Variants in DPYS observed in about 807,000 individuals in gnomAD.
DPYS encodes dihydropyrimidine amidohydrolase.
A neutral mutation model predicts 50.3 loss-of-function variants in DPYS; 39 were observed. The ratio of observed to expected loss-of-function variants is 0.78; its 90% confidence interval spans 0.60 to 1.01. The LOEUF is 1.01. Ranked by LOEUF, DPYS falls within the 50% of genes least tolerant of loss-of-function variation. The pLI is 0.00. For synonymous variants in DPYS, 245 were observed against 250.7 expected, an observed-to-expected ratio of 0.98 and a Z score of 0.22; for missense variants, 659 against 680.9, an observed-to-expected ratio of 0.97 and a Z score of 0.36.
intron 7 of DPYS, among the ~76,000 whole-genome samples, chr8:104,400,403 T>C (rs77051793): frequency 3.9e-5 from 6 of 152,366 alleles, no homozygotes; most frequent in African/African-American, 1.4e-4. Context: ...ACTACATTTG[T>C]AGGCAAAAGC....
At chr8:104,465,407 C>T (rs1226934836) in intron 1 of DPYS, among the ~76,000 whole-genome samples, 1 of 152,160 alleles carries the variant, frequency 6.6e-6, no homozygotes, top group Non-Finnish European at 1.5e-5. Context: ...AAGTGAAAAG[C>T]CAAGGCCTTT....
At chr8:104,411,305 T>C (rs977198181) in intron 7 of DPYS, among the ~76,000 whole-genome samples, 1 of 152,234 alleles carries the variant, frequency 6.6e-6, no homozygotes, top group Non-Finnish European at 1.5e-5. Flanking sequence ...GCCTCCACCA[T>C]GTGAGGAATT....
chr8:104,417,099 C>A (rs866774399), intron 7 of DPYS, among the ~76,000 whole-genome samples: 2 of 152,154 alleles, frequency 1.3e-5, no homozygotes, highest in Non-Finnish European at 2.9e-5. Context: ...AAGGTCAAAG[C>A]CTGCCATAAT....
At chr8:104,390,207 C>A (rs1360508491) in intron 8 of DPYS, among the ~76,000 whole-genome samples, 4 of 152,182 alleles carry the variant, frequency 2.6e-5, no homozygotes, top group African/African-American at 9.7e-5. Context: ...TATCCTAAAT[C>A]CACCCTCTAT....
At chr8:104,410,644 C>A (rs1812143116) in intron 7 of DPYS, among the ~76,000 whole-genome samples, 1 of 152,084 alleles carries the variant, frequency 6.6e-6, no homozygotes, top group Non-Finnish European at 1.5e-5. Context: ...TGGTGCCAGG[C>A]AAATTGGGAA....
chr8:104,395,897 A>G (rs1486894165), intron 7 of DPYS, among the ~76,000 whole-genome samples: 2 of 152,204 alleles, frequency 1.3e-5, no homozygotes, highest in African/African-American at 2.4e-5. Context: ...ACTTATTGAT[A>G]TAAAGAAATG....
At chr8:104,390,385 A>G (rs993083633) in intron 8 of DPYS, among the ~76,000 whole-genome samples, 32 of 152,164 alleles carry the variant, frequency 2.1e-4, no homozygotes, top group African/African-American at 7.5e-4. Flanking sequence ...ATTATTACTT[A>G]AGGATAAAGT....
At chr8:104,423,361 T>C (rs1316236581) in intron 7 of DPYS, among the ~76,000 whole-genome samples, 1 of 152,154 alleles carries the variant, frequency 6.6e-6, no homozygotes, top group East Asian at 1.9e-4. Context: ...TTTAGGCTTA[T>C]AGTGATGGTA....
chr8:104,459,170 G>A (rs1310170767), intron 1 of DPYS, among the ~76,000 whole-genome samples: 1 of 151,036 alleles, frequency 6.6e-6, no homozygotes, highest in Non-Finnish European at 1.5e-5. Context: ...ATGGTGGCCA[G>A]TTGCCCAGGC....
intron 6 of DPYS, among the ~76,000 whole-genome samples, chr8:104,425,332 G>A (rs1306568358): frequency 1.3e-5 from 2 of 151,864 alleles, no homozygotes; most frequent in East Asian, 1.9e-4. Flanking sequence ...TGGCTCAGGT[G>A]ATCCTCCCCA....
intron 9 of DPYS, chr8:104,380,536 A>G (rs2140494766): frequency 6.5e-6 from 1 of 153,194 alleles, no homozygotes; most frequent in Non-Finnish European, 1.5e-5. Context: ...AGAGAGCAGG[A>G]CCAGAAGACA....
At chr8:104,391,181 G>T (rs963610711) in intron 8 of DPYS, among the ~76,000 whole-genome samples, 1 of 152,094 alleles carries the variant, frequency 6.6e-6, no homozygotes, top group Non-Finnish European at 1.5e-5. Flanking sequence ...TTGCATAATG[G>T]ACTCTGAGAA....
chr8:104,443,432 C>T (rs1813419104), intron 4 of DPYS, among the ~76,000 whole-genome samples: 1 of 152,042 alleles, frequency 6.6e-6, no homozygotes. Flanking sequence ...ATAAAAATAC[C>T]ATTTGGATAA....
chr8:104,414,944 A>G (rs1037908854), intron 7 of DPYS, among the ~76,000 whole-genome samples: 6 of 152,236 alleles, frequency 3.9e-5, no homozygotes, highest in Non-Finnish European at 8.8e-5. Flanking sequence ...ATCTTTGTCA[A>G]GCACTGCTTT....
chr8:104,381,436 T>A, intron 8 of DPYS, 122 bp from the exon 9 acceptor site: 1 of 870,464 alleles, frequency 1.1e-6, no homozygotes, highest in Non-Finnish European at 1.9e-6. Context: ...ATCACGTGCC[T>A]CCCCATCCCC....
intron 2 of DPYS, among the ~76,000 whole-genome samples, chr8:104,449,678 C>G (rs1813663720): frequency 6.6e-6 from 1 of 152,202 alleles, no homozygotes; most frequent in Non-Finnish European, 1.5e-5. Context: ...AACTGGGATG[C>G]AGACCTCCAC....
chr8:104,463,809 C>T (rs1048092956), intron 1 of DPYS, among the ~76,000 whole-genome samples: 5 of 152,212 alleles, frequency 3.3e-5, no homozygotes, highest in African/African-American at 7.2e-5. Flanking sequence ...CACCCACCAG[C>T]GTTGCTTTGG....
At chr8:104,426,137 G>A (rs1363144037) in intron 6 of DPYS, among the ~76,000 whole-genome samples, 1 of 152,114 alleles carries the variant, frequency 6.6e-6, no homozygotes, top group Non-Finnish European at 1.5e-5. Context: ...GGGGGGTGAG[G>A]AAAATAATCA....
intron 7 of DPYS, among the ~76,000 whole-genome samples, chr8:104,416,549 C>T (rs551013980): frequency 6.6e-6 from 1 of 152,158 alleles, no homozygotes; most frequent in South Asian, 2.1e-4. Context: ...TGGGGAGTGG[C>T]GGGCGCGTTA....
Sources: gnomAD v4.1 joint callset for allele counts (sites outside exome capture counted in the v4.1 genomes callset) on GRCh38, gnomAD v4.1.1 for gene constraint, MANE v1.5 for transcripts, NCBI Gene and HGNC (gene_info 2026-07-23, HGNC 2026-07-21) for gene names.